Variants in LLGL2 observed in about 807,000 individuals in gnomAD.
LLGL2 encodes the protein LLGL2, scribble cell polarity complex component.
In LLGL2, 81 loss-of-function variants were observed where a neutral mutation model predicts 123.2. That is an observed-to-expected ratio of 0.66 (90% CI 0.55 to 0.79). The LOEUF (loss-of-function observed/expected upper bound fraction) is 0.79. Ranked by LOEUF, LLGL2 falls within the 30% of genes least tolerant of loss-of-function variation. The pLI is 0.00. For synonymous variants in LLGL2, 577 were observed against 594.1 expected (o/e 0.97, Z 0.42); for missense variants, 1,273 against 1,414.6 (o/e 0.90, Z 1.61).
upstream of LLGL2, chr17:75,525,095 T>C (rs926391459): frequency 1.4e-4 from 22 of 153,908 alleles, no homozygotes; most frequent in Non-Finnish European, 2.6e-4. This position sits in a 1 kb window ranked among gnomAD's most constrained non-coding sequence, Gnocchi z 4.8. Context: ...CGCTCCCGCC[T>C]CTCGTCGCTC....
intron 2 of LLGL2, among the ~76,000 whole-genome samples, chr17:75,552,471 C>T (rs181886364): frequency 1.1e-4 from 16 of 152,252 alleles, no homozygotes; most frequent in Admixed American, 2.6e-4. Flanking sequence ...GCGTGACAGG[C>T]GTGACCCTAT....
rs117651797 is a variant in LLGL2, at chr17:75,573,430, C to T, written c.2726-51C>T. ...GCCCCTACTCCCCCAGGTGGGGAGG[C>T]AGCCTTGGCAGCCGCCAGGCCAGGC... On this transcript the variant is annotated intron_variant, in intron 20 of 25. Coordinates refer to ENST00000392550, the MANE Select transcript of LLGL2 (RefSeq NM_001031803.2). 47,508 of 1,584,248 alleles carry T rather than the reference C, an allele frequency of 0.03. 856 individuals carry two copies. Among genetic ancestry groups the T allele is most frequent in the Non-Finnish European group, 0.036 (41,539 of 1,158,624 alleles).
At chr17:75,560,567 A>G (rs2055156383) in intron 6 of LLGL2, among the ~76,000 whole-genome samples, 1 of 151,980 alleles carries the variant, frequency 6.6e-6, no homozygotes, top group Non-Finnish European at 1.5e-5. Flanking sequence ...GCTCACTGCA[A>G]CCTCTGCTTC....
intron 16 of LLGL2, 37 bp downstream of exon 16, chr17:75,570,535 C>A: frequency 6.5e-7 from 1 of 1,545,944 alleles, no homozygotes; most frequent in Non-Finnish European, 8.7e-7. Context: ...GGCCACGCAC[C>A]CAGGTTCGGC....
chr17:75,535,511 C>T (rs931522657), intron 1 of LLGL2, among the ~76,000 whole-genome samples: 1 of 152,202 alleles, frequency 6.6e-6, no homozygotes, highest in Non-Finnish European at 1.5e-5. Context: ...TTCTTGAGGG[C>T]TGGCCCCTCC....
In LLGL2 at chr17:75,569,957, G is replaced by C. The variant is rs1232245320; in HGVS notation, c.1582-6G>C. The C allele has an allele frequency of 3.8e-6, 6 of 1,580,326 alleles. No homozygotes were observed. Among genetic ancestry groups the C allele is most frequent in the Admixed American group, 1.7e-5 (1 of 57,844 alleles). On this transcript the variant is annotated splice_polypyrimidine_tract_variant and splice_region_variant and intron_variant, in intron 14 of 25. Transcript: ENST00000392550. ...GGCTTGCTGAGCCACCTGCCACCCT[G>C]CGCAGGTGCTGGTACTGGAACTGAA... is the stretch of plus-strand genomic sequence containing the variant.
intron 19 of LLGL2, 47 bp from the exon 20 acceptor site, chr17:75,572,964 CAGG>C (rs758000856): frequency 1.5e-5 from 23 of 1,557,470 alleles, no homozygotes; most frequent in Middle Eastern, 3.4e-4. Flanking sequence ...CAGCACAGGG[CAGG>C]AGAACTGGTT....
intron 1 of LLGL2, among the ~76,000 whole-genome samples, chr17:75,526,295 G>C (rs1180350771): frequency 6.6e-6 from 1 of 152,116 alleles, no homozygotes; most frequent in Non-Finnish European, 1.5e-5. Context: ...TGTCCCTGCC[G>C]GCCCTTTGTG....
intron 6 of LLGL2, among the ~76,000 whole-genome samples, chr17:75,561,961 T>G (rs2055239450): frequency 6.6e-6 from 1 of 152,142 alleles, no homozygotes; most frequent in African/African-American, 2.4e-5. Context: ...AAAGTCCCCT[T>G]CAACTCTCAC....
rs561899828 is a variant in LLGL2, at chr17:75,545,145, G to A, written c.75+1644G>A. The stretch of plus-strand genomic sequence containing the variant: ...TGCCCCCTTGCACCAAGTTCTGTCT[G>A]TGCAGCTGAGTGAGGCTAGGGTGGA... On this transcript the variant is annotated intron_variant, in intron 2 of 25. Coordinates refer to ENST00000392550, the MANE Select transcript of LLGL2 (RefSeq NM_001031803.2). Among the ~76,000 whole-genome samples, 14 of 152,092 alleles carry A rather than the reference G, an allele frequency of 9.2e-5. No homozygotes were observed. The East Asian group carries it at 2.5e-3, about 27-fold the overall frequency.
At position 75,574,636 on chromosome 17, in the gene LLGL2, C is replaced by T. The variant is rs748906294; in HGVS notation, c.3023C>T (p.Ala1008Val). The T allele has an allele frequency of 3.7e-6, 6 of 1,612,308 alleles. No homozygotes were observed. The highest frequency in any genetic ancestry group is 2.7e-5 in the African/African-American group (2 of 75,024). ...RGSGNWRSHR[A>V]AVGCSLSNGG... is the part of the protein sequence containing the mutation. Reference sequence around the variant, plus strand: ...AGCGGCAACTGGCGTTCACATCGAGCCGCCGTGGGGTGCAGCCTCAGCAAT... The same window carrying T: ...AGCGGCAACTGGCGTTCACATCGAGTCGCCGTGGGGTGCAGCCTCAGCAAT... Residue 1008 changes from alanine (A) to valine (V), a missense_variant, in exon 25 of 26, where the codon GCC (alanine) becomes GTC (valine). Ala to Val is a moderately conservative substitution (Grantham distance 64). Coordinates refer to ENST00000392550, the MANE Select transcript of LLGL2 (RefSeq NM_001031803.2).
intron 23 of LLGL2, 63 bp from the exon 24 acceptor site, chr17:75,574,390 G>A (rs1219539795): frequency 1.3e-5 from 20 of 1,543,638 alleles, no homozygotes; most frequent in African/African-American, 2.7e-5. Flanking sequence ...GAAAGGGGGT[G>A]GAAGGGCTGT....
At position 75,572,011 on chromosome 17, in the gene LLGL2, C is replaced by G. The variant is rs749491159; in HGVS notation, c.2407C>G (p.Pro803Ala). ...AGTGGCCCATGATCTGTCGAAGAGC[C>G]CTGACATGCAGGGAAGCCACCAGCT... ...LEVAHDLSKSPDMQGSHQLLV... is the reference protein window; with the variant it reads ...LEVAHDLSKSADMQGSHQLLV... Residue 803 changes from proline (P) to alanine (A), a missense_variant, in exon 19 of 26, where the codon CCT (proline) becomes GCT (alanine). Pro to Ala is a conservative substitution (Grantham distance 27). Coordinates refer to ENST00000392550, the MANE Select transcript of LLGL2 (RefSeq NM_001031803.2). 1 of 1,612,680 alleles carries G rather than the reference C, an allele frequency of 6.2e-7. No homozygotes were observed. Among genetic ancestry groups the G allele is most frequent in the East Asian group, 2.2e-5 (1 of 44,872 alleles).
chr17:75,558,420 G>T lies in LLGL2; in HGVS notation c.256-92G>T. 5 of 1,222,774 alleles carry T rather than the reference G, an allele frequency of 4.1e-6. No individual in the cohort carries two copies. The highest frequency in any genetic ancestry group is 5.7e-6 in the Non-Finnish European group (5 of 872,118). The allele number at this position is 1,222,774 out of a possible 1,614,324, so 75.7% of individuals were successfully genotyped here. On this transcript the variant is annotated intron_variant, in intron 4 of 25. Transcript: ENST00000392550. The surrounding 1 kb of genome is among the most constrained non-coding windows in gnomAD (Gnocchi z 4.0). ...GGGCCACCCTGGGAGTGGCCAGGGG[G>T]TCTTTTAAACAACTGGGGCTGCGTG...
rs201813210 is a variant in LLGL2 at position 75,569,029 on chromosome 17, G to A, written c.1374G>A (p.Arg458=). The A allele has an allele frequency of 1.2e-6, 2 of 1,613,038 alleles. No individual in the cohort carries two copies. Among genetic ancestry groups the A allele is most frequent in the East Asian group, 4.5e-5 (2 of 44,856 alleles). ...RFWDASGVCL[R]LLYKLSTVRV... The stretch of plus-strand genomic sequence containing the variant: ...GGGATGCCTCGGGTGTCTGCCTGCG[G>A]CTGCTCTACAAACTCAGCACTGTGC... Residue 458 remains arginine (R), a synonymous_variant, in exon 13 of 26, where the codon CGG becomes CGA. Coordinates refer to ENST00000392550, the MANE Select transcript of LLGL2 (RefSeq NM_001031803.2).
intron 1 of LLGL2, among the ~76,000 whole-genome samples, chr17:75,528,778 G>T (rs955892886): frequency 1.3e-5 from 2 of 151,804 alleles, no homozygotes; most frequent in East Asian, 3.9e-4. Context: ...ATAATCCCAG[G>T]TGATCGCTGT....
At chr17:75,568,250 C>T (rs2055531458) in intron 10 of LLGL2, 1 of 1,422,346 alleles carries the variant, frequency 7.0e-7, no homozygotes, top group Non-Finnish European at 9.2e-7. Flanking sequence ...AGGTGTATCC[C>T]CCCAGGAGCC....
At chr17:75,553,659 C>CT (rs2054777063) in intron 2 of LLGL2, among the ~76,000 whole-genome samples, 1 of 152,180 alleles carries the variant, frequency 6.6e-6, no homozygotes, top group Non-Finnish European at 1.5e-5. Context: ...CATAGCATCG[C>CT]TTTGTGCTGT....
Position 75,564,590 on chromosome 17 carries a change from C to T in LLGL2, c.1036+83C>T, listed in dbSNP as rs573934725. 3.2e-5 allele frequency: 50 copies of T among 1,578,102 alleles called. No individual in the cohort carries two copies. In the South Asian group the frequency reaches 5.5e-4, roughly 17 times the overall value. On this transcript the variant is annotated intron_variant, in intron 10 of 25. Coordinates refer to ENST00000392550, the MANE Select transcript of LLGL2 (RefSeq NM_001031803.2). This position sits in a 1 kb window ranked among gnomAD's most constrained non-coding sequence, Gnocchi z 4.9. ...CCATCAGTAAAGACAGGGCCAGGTG[C>T]AGTGGCTCCTGCCTGTAACCCCAGT...
Sources: allele counts gnomAD v4.1 joint callset (sites outside exome capture counted in the v4.1 genomes callset), GRCh38; gene constraint gnomAD v4.1.1; non-coding constraint Gnocchi (gnomAD v3.1); transcripts MANE v1.5; gene names NCBI Gene and HGNC (gene_info 2026-07-23, HGNC 2026-07-21).